The following ETV5 variants were observed in gnomAD, a reference collection of about 807,000 sequenced individuals.
The protein encoded by ETV5 is ETS variant transcription factor 5.
A neutral mutation model predicts 70.0 loss-of-function variants in ETV5; 10 were observed. The ratio of observed to expected loss-of-function variants is 0.14; its 90% CI spans 0.09 to 0.24. The LOEUF (loss-of-function observed/expected upper bound fraction) is 0.24, where lower values mean the gene tolerates loss of function less well. Ranked by LOEUF, ETV5 falls within the 10% of genes least tolerant of loss-of-function variation. ETV5 has a pLI of 1.00. For synonymous variants in ETV5, 216 were observed against 242.2 expected (o/e 0.89, Z 1.01); for missense variants, 453 against 651.2 (o/e 0.70, Z 3.31).
chr3:186,083,322 CTAAAGA>C (rs1424547890), intron 5 of ETV5, among the ~76,000 whole-genome samples: 1 of 152,164 alleles, frequency 6.6e-6, no homozygotes, highest in Admixed American at 6.5e-5. Flanking sequence ...CTTGCTTTAT[CTAAAGA>C]TAATCATTTG....
intron 1 of ETV5, among the ~76,000 whole-genome samples, chr3:186,106,288 G>A (rs1714585885): frequency 6.6e-6 from 1 of 151,970 alleles, no homozygotes; most frequent in Non-Finnish European, 1.5e-5. Context: ...TATACTCCAG[G>A]GCATTTGTAG....
At chr3:186,083,341 A>G (rs543329877) in intron 5 of ETV5, among the ~76,000 whole-genome samples, 136 of 152,360 alleles carry the variant, frequency 8.9e-4, no homozygotes, top group Non-Finnish European at 1.8e-3. Flanking sequence ...ATCATTTGCA[A>G]TCACCACTTT....
intron 12 of ETV5, among the ~76,000 whole-genome samples, chr3:186,051,648 A>AT (rs1713035108): frequency 6.6e-6 from 1 of 152,214 alleles, no homozygotes; most frequent in Non-Finnish European, 1.5e-5. Context: ...AGGTGTTTTA[A>AT]TAACTAAAGA....
chr3:186,076,165 T>G, intron 7 of ETV5: 1 of 227,176 alleles, frequency 4.4e-6, no homozygotes, highest in Non-Finnish European at 8.7e-6. Context: ...CCTCTCCTTG[T>G]GGGGAGGAAA....
In ETV5 at chr3:186,084,735, G is replaced by A. The variant is rs895121217; in HGVS notation, c.233-3560C>T. On this transcript the variant is annotated intron_variant, in intron 5 of 12. Coordinates refer to ENST00000306376, the MANE Select transcript of ETV5 (RefSeq NM_004454.3). ...TTAGGGGTGCTGCTATTCGAGGGGA[G>A]AAGAGGCAAGGGCCTCCGCACTGTC... Among the ~76,000 whole-genome samples the A allele has an allele frequency of 2.0e-5, 3 of 152,192 alleles. No individual in the cohort carries two copies. The East Asian group carries it at 5.8e-4, about 29-fold the overall frequency.
At chr3:186,076,360 T>A (rs572252522) in intron 7 of ETV5, 1 of 199,514 alleles carries the variant, frequency 5.0e-6, no homozygotes, top group East Asian at 7.7e-5. Flanking sequence ...CACAATGAGA[T>A]CATGGGAGTT....
intron 7 of ETV5, among the ~76,000 whole-genome samples, chr3:186,071,354 A>G (rs1713629263): frequency 6.6e-6 from 1 of 152,328 alleles, no homozygotes; most frequent in South Asian, 2.1e-4. Context: ...AGGCTCAGGG[A>G]AGAAGACGGA....
intron 9 of ETV5, among the ~76,000 whole-genome samples, chr3:186,059,706 G>A (rs1265923622): frequency 6.6e-6 from 1 of 152,176 alleles, no homozygotes; most frequent in Non-Finnish European, 1.5e-5. Context: ...GTGCTATTAA[G>A]AAATTAACTG....
chr3:186,098,441 A>G (rs1048470308), intron 5 of ETV5, among the ~76,000 whole-genome samples: 18 of 152,046 alleles, frequency 1.2e-4, no homozygotes, highest in African/African-American at 4.3e-4. Flanking sequence ...TGGAGACACT[A>G]CCAGATTTTC....
intron 9 of ETV5, among the ~76,000 whole-genome samples, chr3:186,059,566 AT>A (rs1362211073): frequency 6.6e-6 from 1 of 152,232 alleles, no homozygotes; most frequent in Admixed American, 6.5e-5. Context: ...TAAGAGTTTA[AT>A]TTAGTATCAT....
intron 5 of ETV5, among the ~76,000 whole-genome samples, chr3:186,097,053 T>C (rs2150153829): frequency 6.6e-6 from 1 of 152,266 alleles, no homozygotes; most frequent in Non-Finnish European, 1.5e-5. Flanking sequence ...TGGATGCTAT[T>C]TTGAGGCACG....
chr3:186,082,326 A>G (rs76457494), intron 5 of ETV5, among the ~76,000 whole-genome samples: 11,903 of 152,282 alleles, frequency 0.078, 1,295 homozygotes, highest in East Asian at 0.53. Context: ...TGACCCAGTA[A>G]CATTTTCATT....
intron 5 of ETV5, among the ~76,000 whole-genome samples, chr3:186,101,602 G>T (rs905524858): frequency 6.6e-5 from 10 of 152,224 alleles, no homozygotes; most frequent in African/African-American, 2.4e-4. Flanking sequence ...CCTCCCAGAT[G>T]CTTTCCTGAA....
At chr3:186,082,845 T>C (rs1468948297) in intron 5 of ETV5, among the ~76,000 whole-genome samples, 2 of 152,244 alleles carry the variant, frequency 1.3e-5, no homozygotes, top group African/African-American at 4.8e-5. Context: ...GATGACTCTA[T>C]CACAGATGAC....
At chr3:186,070,121 C>T (rs952952772) in intron 7 of ETV5, among the ~76,000 whole-genome samples, 1 of 152,144 alleles carries the variant, frequency 6.6e-6, no homozygotes, top group African/African-American at 2.4e-5. Flanking sequence ...CGAAGATATT[C>T]TTAAGGCCTT....
intron 7 of ETV5, among the ~76,000 whole-genome samples, chr3:186,070,479 A>G (rs944602595): frequency 1.3e-5 from 2 of 152,254 alleles, no homozygotes; most frequent in Non-Finnish European, 2.9e-5. Flanking sequence ...AAGGATGCGC[A>G]AAGCTTAGAG....
chr3:186,080,135 A>C (rs1269767776), intron 6 of ETV5, 31 bp from the exon 7 acceptor site: 7 of 1,452,364 alleles, frequency 4.8e-6, no homozygotes, highest in Non-Finnish European at 6.3e-6. Context: ...GGAACCATTA[A>C]GCTGAAATGA....
intron 5 of ETV5, among the ~76,000 whole-genome samples, chr3:186,082,371 A>C (rs1713952476): frequency 6.6e-6 from 1 of 151,364 alleles, no homozygotes; most frequent in African/African-American, 2.4e-5. Context: ...CATCTTTAGG[A>C]GTTACTTCTT....
In ETV5 at chr3:186,057,446, C is replaced by A; in HGVS notation, c.1016G>T (p.Cys339Phe). 1.2e-6 allele frequency: 2 copies of A among 1,614,120 alleles called. No individual in the cohort carries two copies. The highest frequency in any genetic ancestry group is 1.7e-6 in the Non-Finnish European group (2 of 1,180,014). ...KDPRLYFDDT[C>F]VVPERLEGKV... ...ACCTTCCAGTCTCTCAGGCACAACACAAGTGTCGTCAAAGTATAATCGGGG... is the reference window on the plus strand; with the variant it reads ...ACCTTCCAGTCTCTCAGGCACAACAAAAGTGTCGTCAAAGTATAATCGGGG... Residue 339 changes from cysteine (C) to phenylalanine (F), a missense_variant, in exon 10 of 13, where the codon TGT becomes TTT. Physicochemically the swap from Cys to Phe is radical, Grantham distance 205. Around this residue, in one of 4 missense-constraint regions of ETV5, gnomAD observed 307 missense variants for 344.9 expected, o/e 0.89. Coordinates refer to ENST00000306376, the MANE Select transcript of ETV5 (RefSeq NM_004454.3). The surrounding 1 kb of genome is among the most constrained non-coding windows in gnomAD (Gnocchi z 4.9).
Sources: gnomAD v4.1 joint callset for allele counts (sites outside exome capture counted in the v4.1 genomes callset) on GRCh38, gnomAD v4.1.1 for gene constraint, gnomAD v4.1.1 regional missense constraint, Gnocchi (gnomAD v3.1) non-coding constraint, MANE v1.5 for transcripts, NCBI Gene and HGNC (gene_info 2026-07-23, HGNC 2026-07-21) for gene names.